Variants in HIVEP3 observed in about 807,000 individuals in gnomAD.
The protein encoded by HIVEP3 is HIVEP zinc finger 3, also known as transcription factor HIVEP3.
HIVEP3 carries 49 observed loss-of-function variants against 152.8 expected under a neutral mutation model. That is an observed-to-expected ratio of 0.32 (90% CI 0.26 to 0.41). The LOEUF is 0.41. Among genes scored for constraint, HIVEP3 ranks in the 10% least tolerant of loss-of-function variants. The probability of loss-of-function intolerance (pLI) is 1.00; values close to 1 mark genes in which losing one functional copy is unlikely to be tolerated. For missense variants in HIVEP3, 2,790 were observed against 3,103.3 expected (o/e 0.90, Z 2.40); for synonymous variants, 1,269 against 1,289.0 (o/e 0.98, Z 0.33).
intron 2 of HIVEP3, among the ~76,000 whole-genome samples, chr1:41,699,743 A>G (rs1020643504): frequency 7.9e-5 from 12 of 152,036 alleles, no homozygotes; most frequent in African/African-American, 2.2e-4. Flanking sequence ...CTGGGCCCCT[A>G]TTGAGGTTCT....
intron 5 of HIVEP3, chr1:41,535,593 G>A (rs1490797869): frequency 1.3e-5 from 2 of 152,264 alleles, no homozygotes; most frequent in Admixed American, 1.3e-4. Flanking sequence ...GCCCATGCCT[G>A]GGGTCAGGGC....
chr1:41,561,996 A>T (rs767507037), intron 5 of HIVEP3, among the ~76,000 whole-genome samples: 1 of 152,212 alleles, frequency 6.6e-6, no homozygotes, highest in Non-Finnish European at 1.5e-5. Flanking sequence ...AGTGGAGGCA[A>T]GGAAGAAAGA....
At chr1:41,892,563 T>C (rs1399708252) in intron 1 of HIVEP3, among the ~76,000 whole-genome samples, 1 of 152,140 alleles carries the variant, frequency 6.6e-6, no homozygotes, top group Non-Finnish European at 1.5e-5. Flanking sequence ...AAGTGCTGAG[T>C]GAGGCAGTAT....
intron 1 of HIVEP3, among the ~76,000 whole-genome samples, chr1:41,984,649 G>T (rs147902135): frequency 2.1e-4 from 32 of 152,342 alleles, no homozygotes; most frequent in African/African-American, 7.0e-4. Context: ...ACATGGCAGA[G>T]AAGTTTAGTT....
At chr1:41,565,646 C>T (rs966649663) in intron 5 of HIVEP3, among the ~76,000 whole-genome samples, 11 of 152,020 alleles carry the variant, frequency 7.2e-5, no homozygotes, top group African/African-American at 2.7e-4. Context: ...AAGCCAGCTT[C>T]CTCCTGGGAG....
chr1:41,510,890 G>A lies in HIVEP3; in HGVS notation c.6782C>T (p.Ser2261Phe), dbSNP rs1394893074. 2.5e-6 allele frequency: 4 copies of A among 1,613,486 alleles called. No homozygotes were observed. The highest frequency in any genetic ancestry group is 1.7e-5 in the Admixed American group (1 of 60,032). Residue 2261 changes from serine (S) to phenylalanine (F), a missense_variant, in exon 9 of 9, where the codon TCC (serine) becomes TTC (phenylalanine). Transcript: ENST00000372583. The part of the protein sequence containing the change: ...SASVSPVAKV[S>F]KFTLSSELEG... Reference sequence around the variant, plus strand: ...CAGCTCTGAGGAGAGTGTGAATTTGGAGACCTTAGCCACAGGCGACACGGA... The same window carrying A: ...CAGCTCTGAGGAGAGTGTGAATTTGAAGACCTTAGCCACAGGCGACACGGA...
chr1:41,698,976 G>A (rs138841147), intron 2 of HIVEP3, among the ~76,000 whole-genome samples: 107 of 152,294 alleles, frequency 7.0e-4, no homozygotes, highest in African/African-American at 2.5e-3. Flanking sequence ...AAGCTCTGCT[G>A]AGCTCATTTT....
At chr1:42,024,150 A>G (rs550096505) in intron 1 of HIVEP3, among the ~76,000 whole-genome samples, 10 of 152,308 alleles carry the variant, frequency 6.6e-5, no homozygotes, top group African/African-American at 2.4e-4. Context: ...CTAATTTGAA[A>G]TAACTATGAT....
At chr1:41,618,654 C>G (rs530423056) in intron 3 of HIVEP3, among the ~76,000 whole-genome samples, 146 of 151,798 alleles carry the variant, frequency 9.6e-4, no homozygotes, top group African/African-American at 3.3e-3. Context: ...TGTTCAAAGC[C>G]TTCCCTGACC....
intron 1 of HIVEP3, among the ~76,000 whole-genome samples, chr1:41,793,415 G>A (rs987689264): frequency 6.6e-6 from 1 of 152,110 alleles, no homozygotes; most frequent in African/African-American, 2.4e-5. Flanking sequence ...TATGACTGGT[G>A]CCACAAAAGT....
At chr1:41,764,725 G>C (rs1007301083) in intron 1 of HIVEP3, among the ~76,000 whole-genome samples, 1 of 152,322 alleles carries the variant, frequency 6.6e-6, no homozygotes, top group South Asian at 2.1e-4. Flanking sequence ...GGAATGTAGA[G>C]AGGAACCAGA....
chr1:41,545,083 C>T (rs1281236543), intron 5 of HIVEP3, among the ~76,000 whole-genome samples: 2 of 135,740 alleles, frequency 1.5e-5, no homozygotes, highest in African/African-American at 2.8e-5. Flanking sequence ...AACATCACCA[C>T]CTCTACCATC....
chr1:41,868,184 A>G (rs565042275), intron 1 of HIVEP3, among the ~76,000 whole-genome samples: 1 of 114,558 alleles, frequency 8.7e-6, no homozygotes, highest in African/African-American at 3.1e-5. Flanking sequence ...TAGTTATATA[A>G]TAGTTTGTGG....
chr1:41,638,569 A>C (rs1159373108), intron 2 of HIVEP3, among the ~76,000 whole-genome samples: 3 of 152,258 alleles, frequency 2.0e-5, no homozygotes, highest in African/African-American at 7.2e-5. Flanking sequence ...CCATAATAAA[A>C]ATTGAGAAAC....
intron 1 of HIVEP3, among the ~76,000 whole-genome samples, chr1:41,889,003 C>T (rs1165349295): frequency 2.0e-5 from 3 of 147,502 alleles, no homozygotes; most frequent in African/African-American, 7.6e-5. Flanking sequence ...ACACCACATA[C>T]CACATACACA....
At chr1:41,866,921 C>T (rs1643987353) in intron 1 of HIVEP3, among the ~76,000 whole-genome samples, 1 of 152,238 alleles carries the variant, frequency 6.6e-6, no homozygotes, top group Non-Finnish European at 1.5e-5. Context: ...CTTAAGGACA[C>T]TCAACGTCAG....
chr1:41,518,333 A>G (rs1444588855), intron 7 of HIVEP3, 69 bp downstream of exon 7: 2 of 1,320,850 alleles, frequency 1.5e-6, no homozygotes, highest in Non-Finnish European at 2.2e-6. Context: ...GAAGGCAAGC[A>G]GGAAAGGTGG....
intron 5 of HIVEP3, among the ~76,000 whole-genome samples, chr1:41,555,612 C>T (rs1643954518): frequency 2.6e-5 from 4 of 152,218 alleles, no homozygotes; most frequent in Admixed American, 1.3e-4. Context: ...ACAGCTGTTC[C>T]TATTTGGCCA....
intron 1 of HIVEP3, among the ~76,000 whole-genome samples, chr1:41,723,357 T>C (rs1045564975): frequency 1.3e-5 from 2 of 152,024 alleles, no homozygotes; most frequent in African/African-American, 4.8e-5. Context: ...CCTTATCCCA[T>C]TGTTGTAACG....
Sources: allele counts gnomAD v4.1 joint callset (sites outside exome capture counted in the v4.1 genomes callset), GRCh38; gene constraint gnomAD v4.1.1; transcripts MANE v1.5; gene names NCBI Gene and HGNC (gene_info 2026-07-23, HGNC 2026-07-21).